Variants in GRID2 observed in about 807,000 individuals in gnomAD.
GRID2 encodes glutamate receptor ionotropic, delta-2.
Under a neutral mutation model 114.8 loss-of-function variants are expected in GRID2, and 33 were observed. That is an observed-to-expected ratio of 0.29 (90% CI 0.22 to 0.38). The LOEUF is 0.38. Among genes scored for constraint, GRID2 ranks in the 10% least tolerant of loss-of-function variants. GRID2 has a pLI of 1.00. For synonymous variants in GRID2, 505 were observed against 449.9 expected, an observed-to-expected ratio of 1.12 and a Z score of -1.55; for missense variants, 1,184 against 1,257.7, an observed-to-expected ratio of 0.94 and a Z score of 0.89.
At chr4:93,357,874 A>G (rs1004949866) in intron 8 of GRID2, among the ~76,000 whole-genome samples, 1 of 151,718 alleles carries the variant, frequency 6.6e-6, no homozygotes, top group South Asian at 2.1e-4. Flanking sequence ...TGTGCTATAT[A>G]TATTTTGTTT....
chr4:92,700,691 T>A (rs1318064229), intron 2 of GRID2, among the ~76,000 whole-genome samples: 1 of 152,026 alleles, frequency 6.6e-6, no homozygotes, highest in East Asian at 1.9e-4. Context: ...ATAGTATAGT[T>A]AACAAAAACA....
intron 1 of GRID2, among the ~76,000 whole-genome samples, chr4:92,458,962 G>A (rs369779867): frequency 1.3e-5 from 2 of 152,162 alleles, no homozygotes; most frequent in East Asian, 3.8e-4. Flanking sequence ...ATGAATGCAA[G>A]TTGGTTTAAG....
At chr4:92,381,291 A>G (rs2110237373) in intron 1 of GRID2, among the ~76,000 whole-genome samples, 2 of 152,158 alleles carry the variant, frequency 1.3e-5, no homozygotes, top group East Asian at 3.9e-4. Flanking sequence ...CAAAATCAAC[A>G]TTCTTAATTG....
chr4:92,548,401 A>ATTTTTTTTTTTTTT (rs61653263), intron 1 of GRID2, among the ~76,000 whole-genome samples: 10,853 of 60,448 alleles, frequency 0.18, 3,290 homozygotes, highest in East Asian at 0.26. Flanking sequence ...AGACTGTGTA[A>ATTTTTTTTTTTTTT]TTTTTTTTTT....
intron 2 of GRID2, among the ~76,000 whole-genome samples, chr4:92,987,020 T>G (rs1429068359): frequency 6.6e-6 from 1 of 152,148 alleles, no homozygotes; most frequent in African/African-American, 2.4e-5. Flanking sequence ...AACAAAGTTT[T>G]ATGTGTGAAA....
At chr4:92,951,386 T>A (rs1041653134) in intron 2 of GRID2, among the ~76,000 whole-genome samples, 8 of 151,338 alleles carry the variant, frequency 5.3e-5, no homozygotes, top group Non-Finnish European at 8.8e-5. Context: ...GGATCTCACT[T>A]TTTCACCCAG....
intron 14 of GRID2, among the ~76,000 whole-genome samples, chr4:93,659,855 T>TCCC (rs1723330645): frequency 6.6e-6 from 1 of 152,092 alleles, no homozygotes; most frequent in African/African-American, 2.4e-5. Flanking sequence ...ATATAAGATC[T>TCCC]GACCCTTTTG....
chr4:92,401,174 C>T (rs1730771167), intron 1 of GRID2, among the ~76,000 whole-genome samples: 1 of 152,108 alleles, frequency 6.6e-6, no homozygotes, highest in South Asian at 2.1e-4. Flanking sequence ...TCCAAGGTCA[C>T]AAGGTCAGAT....
chr4:92,631,023 A>G (rs1457762528), intron 2 of GRID2, among the ~76,000 whole-genome samples: 1 of 151,756 alleles, frequency 6.6e-6, no homozygotes, highest in Non-Finnish European at 1.5e-5. Flanking sequence ...AGAAAAAAAA[A>G]AAGAAAAAAA....
intron 2 of GRID2, among the ~76,000 whole-genome samples, chr4:92,642,271 A>G (rs1259084282): frequency 6.6e-6 from 1 of 151,832 alleles, no homozygotes; most frequent in African/African-American, 2.4e-5. Flanking sequence ...AAAAGTATGT[A>G]AGCATTCAGC....
intron 1 of GRID2, among the ~76,000 whole-genome samples, chr4:92,442,194 A>T (rs1212725500): frequency 6.8e-6 from 1 of 147,214 alleles, no homozygotes; most frequent in Non-Finnish European, 1.5e-5. Flanking sequence ...GTGATGGTCT[A>T]GGGGGCTTCC....
At chr4:92,871,003 T>C (rs1306168843) in intron 2 of GRID2, among the ~76,000 whole-genome samples, 1 of 152,196 alleles carries the variant, frequency 6.6e-6, no homozygotes, top group East Asian at 1.9e-4. Context: ...AACATTTTTT[T>C]CATTAAGATG....
chr4:93,746,968 T>C (rs1731895570), intron 14 of GRID2, among the ~76,000 whole-genome samples: 1 of 152,078 alleles, frequency 6.6e-6, no homozygotes. Context: ...ACTCTTGTCT[T>C]TTTGGTATGT....
At chr4:93,761,828 C>T (rs1045170094) in intron 14 of GRID2, among the ~76,000 whole-genome samples, 7 of 152,088 alleles carry the variant, frequency 4.6e-5, no homozygotes, top group African/African-American at 1.7e-4. Flanking sequence ...CAACTGATCA[C>T]TAAGAGATTT....
intron 13 of GRID2, among the ~76,000 whole-genome samples, chr4:93,560,572 C>A (rs1734825298): frequency 6.6e-6 from 1 of 152,182 alleles, no homozygotes; most frequent in Non-Finnish European, 1.5e-5. Flanking sequence ...CAGGCCCCAC[C>A]TTAAACACTG....
At chr4:92,335,410 T>C (rs1187998033) in intron 1 of GRID2, among the ~76,000 whole-genome samples, 3 of 152,260 alleles carry the variant, frequency 2.0e-5, no homozygotes, top group Non-Finnish European at 2.9e-5. Context: ...TGCAAAGCAC[T>C]GAGAGATTTG....
chr4:92,760,229 C>T (rs1015974248), intron 2 of GRID2, among the ~76,000 whole-genome samples: 5 of 123,708 alleles, frequency 4.0e-5, no homozygotes, highest in African/African-American at 1.3e-4. Flanking sequence ...CATAGCGAGA[C>T]TCTGTCTCAA....
At chr4:92,672,689 TTCA>T (rs1266634935) in intron 2 of GRID2, among the ~76,000 whole-genome samples, 3 of 152,148 alleles carry the variant, frequency 2.0e-5, no homozygotes, top group Non-Finnish European at 4.4e-5. Flanking sequence ...ACATTTTTTC[TTCA>T]TTTATTTATT....
chr4:93,776,132 T>G (rs1056244204), downstream of GRID2, among the ~76,000 whole-genome samples: 1 of 152,220 alleles, frequency 6.6e-6, no homozygotes, highest in Non-Finnish European at 1.5e-5. Context: ...TAAATATAAA[T>G]GTGATGATGA....
Sources: gnomAD v4.1 joint callset for allele counts (sites outside exome capture counted in the v4.1 genomes callset) on GRCh38, gnomAD v4.1.1 for gene constraint, MANE v1.5 for transcripts, NCBI Gene and HGNC (gene_info 2026-07-23, HGNC 2026-07-21) for gene names.